Variants in PAN3 observed in about 807,000 individuals in gnomAD.
PAN3 encodes the protein PAN2-PAN3 deadenylation complex subunit PAN3.
In PAN3, 19 loss-of-function variants were observed where a neutral mutation model predicts 96.2. The ratio of observed to expected loss-of-function variants is 0.20; its 90% CI spans 0.14 to 0.29. PAN3 has a LOEUF of 0.29. Among genes scored for constraint, PAN3 ranks in the 10% least tolerant of loss-of-function variants. The probability of loss-of-function intolerance (pLI) is 1.00; values close to 1 mark genes in which losing one functional copy is unlikely to be tolerated. For synonymous variants in PAN3, 433 were observed against 406.6 expected, an observed-to-expected ratio of 1.06 and a Z score of -0.78; for missense variants, 882 against 1,108.1, an observed-to-expected ratio of 0.80 and a Z score of 2.90.
At chr13:28,144,718 C>CTT (rs1555267660) in intron 1 of PAN3, among the ~76,000 whole-genome samples, 1 of 46,772 alleles carries the variant, frequency 2.1e-5, no homozygotes, top group South Asian at 1.1e-3. Context: ...AAAACATCAT[C>CTT]TTTTTTTTTT....
At chr13:28,215,621 G>A (rs1224459994) in intron 5 of PAN3, 3 of 1,094,128 alleles carry the variant, frequency 2.7e-6, no homozygotes, top group Admixed American at 2.0e-5. Flanking sequence ...TTGCATCCAG[G>A]TTTGCTGAGC....
chr13:28,252,880 A>G (rs894194410), intron 6 of PAN3, among the ~76,000 whole-genome samples: 24 of 152,146 alleles, frequency 1.6e-4, no homozygotes, highest in Non-Finnish European at 2.4e-4. Context: ...ATGTATTACT[A>G]TATTTGCTGT....
intron 6 of PAN3, among the ~76,000 whole-genome samples, chr13:28,229,917 C>G (rs150258627): frequency 6.6e-6 from 1 of 152,232 alleles, no homozygotes; most frequent in African/African-American, 2.4e-5. Flanking sequence ...GCTGCTTGTC[C>G]TGGGACTTCA....
At position 28,281,302 on chromosome 13, in the gene PAN3, A is replaced by T; in HGVS notation, c.2320-13A>T. 1 of 1,603,900 alleles carries T rather than the reference A, an allele frequency of 6.2e-7. No homozygotes were observed. Among genetic ancestry groups the T allele is most frequent in the Non-Finnish European group, 8.5e-7 (1 of 1,174,348 alleles). ...GAACATTAACATTTTTCTCTTTTTAAAATGTTTTATAGGAGGTTCAAAATG... is the reference window on the plus strand; with the variant it reads ...GAACATTAACATTTTTCTCTTTTTATAATGTTTTATAGGAGGTTCAAAATG... On this transcript the variant is annotated splice_polypyrimidine_tract_variant and intron_variant, in intron 16 of 18. Coordinates refer to ENST00000380958, the MANE Select transcript of PAN3 (RefSeq NM_175854.8).
intron 6 of PAN3, among the ~76,000 whole-genome samples, chr13:28,239,109 T>C (rs1430554137): frequency 6.6e-6 from 1 of 150,888 alleles, no homozygotes; most frequent in Non-Finnish European, 1.5e-5. Context: ...ATATCCAAAC[T>C]GCTTTTCTGG....
chr13:28,246,050 C>A (rs1482051754), intron 6 of PAN3, among the ~76,000 whole-genome samples: 2 of 152,118 alleles, frequency 1.3e-5, no homozygotes, highest in Non-Finnish European at 2.9e-5. Context: ...AGTGGAATCA[C>A]AATTCCACTG....
At position 28,139,098 on chromosome 13, in the gene PAN3, T is replaced by C. The variant is rs997205972; in HGVS notation, c.430+11T>C. ...GACCGCGGCTGGCAAGTGAGTGTTTTTCGGGCGGGGCGGGCCGCGGCGGCG... is the reference window on the plus strand; with the variant it reads ...GACCGCGGCTGGCAAGTGAGTGTTTCTCGGGCGGGGCGGGCCGCGGCGGCG... On this transcript the variant is annotated intron_variant, in intron 1 of 18. Transcript: ENST00000380958. 7.9e-6 allele frequency: 10 copies of C among 1,257,950 alleles called. No homozygotes were observed. In the Admixed American group the frequency reaches 3.9e-4, roughly 49 times the overall value. 77.9% of individuals were successfully genotyped at this position (1,257,950 alleles called of 1,614,324 possible).
At chr13:28,254,685 A>G (rs1194662651) in intron 6 of PAN3, among the ~76,000 whole-genome samples, 3 of 151,078 alleles carry the variant, frequency 2.0e-5, no homozygotes, top group Admixed American at 6.9e-5. Context: ...GTTTATATAA[A>G]TATAGTAATT....
intron 1 of PAN3, among the ~76,000 whole-genome samples, chr13:28,139,903 G>T (rs1442174716): frequency 6.6e-6 from 1 of 152,080 alleles, no homozygotes; most frequent in African/African-American, 2.4e-5. Context: ...CTTGGGTGGG[G>T]ACATCTTAAG....
At chr13:28,270,992 T>G in intron 13 of PAN3, 126 bp downstream of exon 13, 1 of 999,162 alleles carries the variant, frequency 1.0e-6, no homozygotes, top group Non-Finnish European at 1.4e-6. Context: ...TCTGTAACTT[T>G]GAATTCATTT....
At chr13:28,263,022 C>CA (rs1408596494) in intron 9 of PAN3, among the ~76,000 whole-genome samples, 5 of 152,112 alleles carry the variant, frequency 3.3e-5, no homozygotes, top group African/African-American at 1.2e-4. Flanking sequence ...GAATTCCAGT[C>CA]AAAGCATAAC....
chr13:28,282,524 A>G (rs1360904454), intron 17 of PAN3, among the ~76,000 whole-genome samples: 1 of 152,156 alleles, frequency 6.6e-6, no homozygotes, highest in Non-Finnish European at 1.5e-5. Context: ...ATGTCTGCTT[A>G]TAGTTCTATT....
chr13:28,284,625 C>T (rs1354943590), intron 17 of PAN3, among the ~76,000 whole-genome samples: 5 of 152,070 alleles, frequency 3.3e-5, no homozygotes, highest in Non-Finnish European at 7.4e-5. Context: ...AGTCCATCTC[C>T]CCTTGTCCCC....
chr13:28,276,720 T>C (rs1593621530), intron 14 of PAN3, among the ~76,000 whole-genome samples: 1 of 152,322 alleles, frequency 6.6e-6, no homozygotes, highest in African/African-American at 2.4e-5. Context: ...TTAATGCTAA[T>C]GTTTGTAATA....
At chr13:28,158,920 A>G (rs1213459428) in intron 1 of PAN3, among the ~76,000 whole-genome samples, 1 of 152,116 alleles carries the variant, frequency 6.6e-6, no homozygotes, top group Non-Finnish European at 1.5e-5. Flanking sequence ...CATTAGAGAA[A>G]TGCAAATCAA....
At chr13:28,152,259 C>T (rs1445510531) in intron 1 of PAN3, among the ~76,000 whole-genome samples, 1 of 152,146 alleles carries the variant, frequency 6.6e-6, no homozygotes, top group African/African-American at 2.4e-5. Context: ...TACAAATCCT[C>T]TCTCTATCCC....
chr13:28,218,120 T>G (rs1399436930), intron 5 of PAN3, among the ~76,000 whole-genome samples: 1 of 152,076 alleles, frequency 6.6e-6, no homozygotes, highest in African/African-American at 2.4e-5. Flanking sequence ...AAAAAAAGAT[T>G]TATATTTTAA....
Position 28,276,286 on chromosome 13 carries a change from A to G in PAN3, c.2050-951A>G, listed in dbSNP as rs190444783. ...TAATAAACGAATGTTCAGTAAATGA[A>G]CGTGTGTCTAATAATTTAGATGAGT... is the stretch of plus-strand genomic sequence containing the variant. On this transcript the variant is annotated intron_variant, in intron 14 of 18. Transcript: ENST00000380958. Among the ~76,000 whole-genome samples, 471 of 152,304 alleles carry G rather than the reference A, an allele frequency of 3.1e-3. 3 individuals carry two copies. The highest frequency in any genetic ancestry group is 0.011 in the African/African-American group (454 of 41,562).
chr13:28,262,379 T>C (rs1241639724), intron 9 of PAN3, among the ~76,000 whole-genome samples: 2 of 152,196 alleles, frequency 1.3e-5, no homozygotes, highest in East Asian at 3.8e-4. Context: ...ACATTTGCCA[T>C]AAAGATCTCA....
Sources: gnomAD v4.1 joint callset for allele counts (sites outside exome capture counted in the v4.1 genomes callset) on GRCh38, gnomAD v4.1.1 for gene constraint, MANE v1.5 for transcripts, NCBI Gene and HGNC (gene_info 2026-07-23, HGNC 2026-07-21) for gene names.